SH3BGRL2: variants seen among roughly 807,000 people sequenced by gnomAD.
SH3BGRL2 encodes the protein SH3 domain-binding glutamic acid-rich-like protein 2.
A neutral mutation model predicts 14.8 loss-of-function variants in SH3BGRL2; 21 were observed. The ratio of observed to expected loss-of-function variants is 1.42; its 90% CI spans 1.01 to 2.05. SH3BGRL2 has a LOEUF of 2.05. Ranked by LOEUF, SH3BGRL2 falls within the 30% of genes most tolerant of loss-of-function variation. The probability of loss-of-function intolerance (pLI) is 0.00; values close to 1 mark genes in which losing one functional copy is unlikely to be tolerated. For missense variants in SH3BGRL2, 147 were observed against 130.8 expected (o/e 1.12, Z -0.61); for synonymous variants, 50 against 47.8 (o/e 1.05, Z -0.19).
intron 2 of SH3BGRL2, among the ~76,000 whole-genome samples, chr6:79,685,361 T>G (rs985814836): frequency 9.2e-5 from 14 of 152,198 alleles, no homozygotes; most frequent in Non-Finnish European, 1.9e-4. Context: ...AATCAGGCCA[T>G]GTTAATATCA....
At chr6:79,660,106 C>G (rs554796393) in intron 1 of SH3BGRL2, among the ~76,000 whole-genome samples, 1 of 152,308 alleles carries the variant, frequency 6.6e-6, no homozygotes, top group Non-Finnish European at 1.5e-5. Context: ...TTGACTTCCT[C>G]TTTTCCTAAT....
chr6:79,579,294 G>A, the SH3BGRL2 span, among the ~76,000 whole-genome samples: 5 of 152,156 alleles, frequency 3.3e-5, no homozygotes, highest in African/African-American at 9.7e-5. Flanking sequence ...AGGAAATACA[G>A]AGAACACCAC....
chr6:79,656,290 G>T (rs573780159), intron 1 of SH3BGRL2, among the ~76,000 whole-genome samples: 5 of 152,218 alleles, frequency 3.3e-5, no homozygotes, highest in African/African-American at 4.8e-5. Context: ...TCATCAAGGT[G>T]AGTCAATGAT....
At chr6:79,585,627 C>T in the SH3BGRL2 span, among the ~76,000 whole-genome samples, 4 of 152,142 alleles carry the variant, frequency 2.6e-5, no homozygotes, top group African/African-American at 9.7e-5. Flanking sequence ...GATCTGTTCC[C>T]CATCTTCTCC....
the SH3BGRL2 span, among the ~76,000 whole-genome samples, chr6:79,610,143 A>G: frequency 1.3e-5 from 2 of 152,172 alleles, no homozygotes; most frequent in Non-Finnish European, 2.9e-5. Context: ...TTACTATCCT[A>G]TTTGATAGTG....
At chr6:79,568,696 TAA>T in the SH3BGRL2 span, among the ~76,000 whole-genome samples, 2 of 152,186 alleles carry the variant, frequency 1.3e-5, no homozygotes, top group South Asian at 2.1e-4. Context: ...AAAAATATGT[TAA>T]GAGTCTTCAT....
At chr6:79,662,506 G>C (rs1344105406) in intron 1 of SH3BGRL2, among the ~76,000 whole-genome samples, 2 of 152,194 alleles carry the variant, frequency 1.3e-5, no homozygotes, top group Admixed American at 6.5e-5. Flanking sequence ...GGTTTCTGCT[G>C]AGAGATCCAC....
chr6:79,650,235 T>C (rs993179119), intron 1 of SH3BGRL2, among the ~76,000 whole-genome samples: 4 of 152,146 alleles, frequency 2.6e-5, no homozygotes, highest in Admixed American at 6.6e-5. Context: ...ATACAAAAGT[T>C]CCCAGTGGCA....
the SH3BGRL2 span, among the ~76,000 whole-genome samples, chr6:79,568,042 T>C: frequency 7.9e-5 from 12 of 152,296 alleles, no homozygotes; most frequent in Non-Finnish European, 1.5e-4. Flanking sequence ...CCCAAAACAT[T>C]GGCAAAAATT....
At chr6:79,668,337 A>C (rs1245205923) in intron 1 of SH3BGRL2, among the ~76,000 whole-genome samples, 2 of 152,170 alleles carry the variant, frequency 1.3e-5, no homozygotes, top group African/African-American at 2.4e-5. Flanking sequence ...TCTAGGAGCC[A>C]GGAGGTTGCC....
chr6:79,572,506 C>T, the SH3BGRL2 span, among the ~76,000 whole-genome samples: 1 of 151,970 alleles, frequency 6.6e-6, no homozygotes, highest in Non-Finnish European at 1.5e-5. Flanking sequence ...CACTCTGTCG[C>T]CCAGGCTGGA....
intron 3 of SH3BGRL2, among the ~76,000 whole-genome samples, chr6:79,696,902 G>A (rs954770442): frequency 3.6e-4 from 55 of 151,996 alleles, no homozygotes; most frequent in African/African-American, 1.3e-3. Context: ...TTTTGAAATA[G>A]CAGACTCAGA....
the SH3BGRL2 span, among the ~76,000 whole-genome samples, chr6:79,583,473 C>T: frequency 1.3e-5 from 2 of 152,186 alleles, no homozygotes; most frequent in Non-Finnish European, 2.9e-5. Flanking sequence ...GAGTTCATGT[C>T]CTTTGCAGGG....
intron 2 of SH3BGRL2, among the ~76,000 whole-genome samples, chr6:79,679,854 ATGTT>A (rs1769955950): frequency 6.6e-6 from 1 of 152,134 alleles, no homozygotes; most frequent in South Asian, 2.1e-4. Flanking sequence ...TCTTTTGAAT[ATGTT>A]TGTTAGCCAT....
the SH3BGRL2 span, among the ~76,000 whole-genome samples, chr6:79,560,089 G>A: frequency 5.5e-4 from 83 of 152,170 alleles, no homozygotes; most frequent in Non-Finnish European, 7.4e-4. Flanking sequence ...GGTTCAGGAA[G>A]GGAATCAATG....
chr6:79,607,406 T>C, the SH3BGRL2 span, among the ~76,000 whole-genome samples: 2 of 152,142 alleles, frequency 1.3e-5, no homozygotes, highest in Non-Finnish European at 2.9e-5. Context: ...AATTCTGGGC[T>C]CTTATTGCTT....
At chr6:79,653,919 A>G (rs966561413) in intron 1 of SH3BGRL2, among the ~76,000 whole-genome samples, 5 of 152,156 alleles carry the variant, frequency 3.3e-5, no homozygotes, top group African/African-American at 1.2e-4. Flanking sequence ...TAGTGGTAAG[A>G]AGGAAAGCCC....
chr6:79,696,792 ACCTTAT>A (rs1175638529), intron 3 of SH3BGRL2, among the ~76,000 whole-genome samples: 1 of 152,116 alleles, frequency 6.6e-6, no homozygotes, highest in African/African-American at 2.4e-5. Flanking sequence ...TTAGAATATT[ACCTTAT>A]TTTTAATTTA....
chr6:79,561,279 A>G, the SH3BGRL2 span: 2 of 152,118 alleles, frequency 1.3e-5, no homozygotes, highest in Non-Finnish European at 1.5e-5. Context: ...TACTATTTTA[A>G]TAATATCTCA....
Sources: gnomAD v4.1 joint callset for allele counts (sites outside exome capture counted in the v4.1 genomes callset) on GRCh38, gnomAD v4.1.1 for gene constraint, MANE v1.5 for transcripts, NCBI Gene and HGNC (gene_info 2026-07-23, HGNC 2026-07-21) for gene names.